HDAC4: variants seen among roughly 807,000 people sequenced by gnomAD.
HDAC4 encodes the protein histone deacetylase 4.
Under a neutral mutation model 135.1 loss-of-function variants are expected in HDAC4, and 16 were observed. The ratio of observed to expected loss-of-function variants is 0.12; its 90% CI spans 0.08 to 0.18. The LOEUF is 0.18. Ranked by LOEUF, HDAC4 falls within the 10% of genes least tolerant of loss-of-function variation. HDAC4 has a pLI of 1.00. For synonymous variants in HDAC4, 685 were observed against 653.4 expected (o/e 1.05, Z -0.74); for missense variants, 1,143 against 1,511.8 (o/e 0.76, Z 4.05).
rs371996227 is a variant in HDAC4 at position 239,068,458 on chromosome 2, C to T, written c.2869+31G>A. ...AGCGGATCATGGACATGAGCAGAACCGGCTCCTCAGTCATATGCAGAACCA... is the reference window on the plus strand; with the variant it reads ...AGCGGATCATGGACATGAGCAGAACTGGCTCCTCAGTCATATGCAGAACCA... On this transcript the variant is annotated intron_variant, in intron 23 of 26. Transcript: ENST00000543185. The surrounding 1 kb of genome is among the most constrained non-coding windows in gnomAD (Gnocchi z 4.4). 1.0e-4 allele frequency: 147 copies of T among 1,460,028 alleles called. 1 individual carries two copies. The highest frequency in any genetic ancestry group is 4.4e-4 in the South Asian group (39 of 88,078). 90.4% of individuals were successfully genotyped at this position (1,460,028 alleles called of 1,614,324 possible). A position where few individuals can be genotyped will look rare whatever the true frequency, so the allele number is the denominator to read the frequency against.
chr2:239,053,162 TGGG>T lies in HDAC4; in HGVS notation c.3231-29_3231-27del, dbSNP rs766132057. Reference sequence around the variant, plus strand: ...CTGTGGATCCCGCAAGAGAAGGAGATGGGGGCGTGGGGCAGGTGCACCACAGAG... The same window carrying T: ...CTGTGGATCCCGCAAGAGAAGGAGATGGCGTGGGGCAGGTGCACCACAGAG... On this transcript the variant is annotated intron_variant, in intron 26 of 26. Transcript: ENST00000543185. 6.8e-6 allele frequency: 11 copies of T among 1,613,610 alleles called. No homozygotes were observed. In the Admixed American group the frequency reaches 1.2e-4, roughly 17 times the overall value.
chr2:239,067,533 C>T (rs1024315942), intron 23 of HDAC4, among the ~76,000 whole-genome samples: 1 of 152,262 alleles, frequency 6.6e-6, no homozygotes, highest in Non-Finnish European at 1.5e-5. Context: ...GGCTTCGAGG[C>T]AGCTGTGCGG....
At chr2:239,376,689 T>C (rs922009318) in intron 1 of HDAC4, among the ~76,000 whole-genome samples, 2 of 152,214 alleles carry the variant, frequency 1.3e-5, no homozygotes, top group Non-Finnish European at 2.9e-5. Context: ...TCAGACCGTG[T>C]GTTCCTGAAT....
rs1575496754 is a variant in HDAC4 at position 239,240,405 on chromosome 2, T to C, written c.23-3741A>G. ...ATTCCAGAGTGAGTTAAAATGAAAT[T>C]AGTGATGAGAGGTGGAATTTCCATA... On this transcript the variant is annotated intron_variant, in intron 2 of 26. Coordinates refer to ENST00000543185, the MANE Select transcript of HDAC4 (RefSeq NM_001378414.1). This position sits in a 1 kb window ranked among gnomAD's most constrained non-coding sequence, Gnocchi z 4.5. Among the ~76,000 whole-genome samples, 5 of 152,300 alleles carry C rather than the reference T, an allele frequency of 3.3e-5. No individual in the cohort carries two copies. The South Asian group carries it at 8.3e-4, about 25-fold the overall frequency.
intron 2 of HDAC4, among the ~76,000 whole-genome samples, chr2:239,290,773 C>T (rs562224486): frequency 5.9e-5 from 9 of 152,312 alleles, no homozygotes; most frequent in African/African-American, 2.2e-4. Context: ...ACACACGCTC[C>T]CGTGTTTAGT....
At chr2:239,174,568 C>G (rs1040839760) in intron 5 of HDAC4, among the ~76,000 whole-genome samples, 1 of 152,196 alleles carries the variant, frequency 6.6e-6, no homozygotes, top group Non-Finnish European at 1.5e-5. Context: ...AACTGGTACA[C>G]TACTTTGAAA....
intron 2 of HDAC4, among the ~76,000 whole-genome samples, chr2:239,278,589 C>G (rs2050526837): frequency 6.6e-6 from 1 of 151,940 alleles, no homozygotes; most frequent in Non-Finnish European, 1.5e-5. Flanking sequence ...GCAGGATCGC[C>G]TGAGCCCAGG....
At chr2:239,149,336 G>A (rs1235971493) in intron 7 of HDAC4, among the ~76,000 whole-genome samples, 3 of 151,742 alleles carry the variant, frequency 2.0e-5, no homozygotes, top group African/African-American at 7.3e-5. Context: ...GGAGGCGGAG[G>A]TTGTCTCACT....
chr2:239,265,775 TGGA>T (rs1297645947), intron 2 of HDAC4, among the ~76,000 whole-genome samples: 1 of 152,222 alleles, frequency 6.6e-6, no homozygotes, highest in Non-Finnish European at 1.5e-5. Context: ...CCAGGCTTCT[TGGA>T]ACTTCCAAAC....
chr2:239,242,755 G>T (rs1241486301), intron 2 of HDAC4, among the ~76,000 whole-genome samples: 1 of 152,180 alleles, frequency 6.6e-6, no homozygotes, highest in African/African-American at 2.4e-5. Context: ...AAAGTGTATT[G>T]CTTGCTGCAG....
At chr2:239,334,616 G>A (rs961630120) in intron 2 of HDAC4, among the ~76,000 whole-genome samples, 5 of 152,048 alleles carry the variant, frequency 3.3e-5, no homozygotes, top group East Asian at 3.9e-4. Flanking sequence ...ATAGAGAGAC[G>A]TAGCATATTC....
upstream of HDAC4, chr2:239,401,143 T>A (rs1696968067): frequency 6.6e-6 from 1 of 151,434 alleles, no homozygotes; most frequent in Non-Finnish European, 1.5e-5. Flanking sequence ...CCCTCCCGCC[T>A]GGTTTCTAAT....
chr2:239,280,996 G>A (rs2050693005), intron 2 of HDAC4, among the ~76,000 whole-genome samples: 1 of 121,444 alleles, frequency 8.2e-6, no homozygotes, highest in East Asian at 2.2e-4. Flanking sequence ...TACACACAAT[G>A]TACACACCAC....
chr2:239,150,435 CAGAAACACAGACACACACACAGATACAT>C (rs2042040441), intron 7 of HDAC4, among the ~76,000 whole-genome samples: 2 of 152,036 alleles, frequency 1.3e-5, no homozygotes, highest in Admixed American at 1.3e-4. Flanking sequence ...ACCCCACACA[CAGAAACACAGACACACACACAGATACAT>C]AGAAACACAG....
intron 12 of HDAC4, among the ~76,000 whole-genome samples, chr2:239,119,017 G>A (rs952159096): frequency 1.1e-4 from 16 of 152,256 alleles, no homozygotes; most frequent in South Asian, 4.1e-4. Flanking sequence ...CAGGGGCGCC[G>A]GGTGAAGCAG....
intron 3 of HDAC4, among the ~76,000 whole-genome samples, chr2:239,200,777 CA>C (rs751381335): frequency 5.9e-5 from 9 of 152,014 alleles, no homozygotes; most frequent in Non-Finnish European, 1.3e-4. Context: ...GCGTCACAGG[CA>C]GATTGCATTC....
rs2036382882 is a variant in HDAC4 at position 239,090,249 on chromosome 2, T to G, written c.2281-133A>C. ...CAGGGCCTACCAGAGCCAGGGCAGC[T>G]GCAGCCCACGTTCAGCCTTCAATCT... On this transcript the variant is annotated intron_variant, in intron 17 of 26. Coordinates refer to ENST00000543185, the MANE Select transcript of HDAC4 (RefSeq NM_001378414.1). 5.6e-6 allele frequency: 4 copies of G among 708,266 alleles called. No homozygotes were observed. The Admixed American group carries it at 6.1e-5, about 11-fold the overall frequency. The allele number at this position is 708,266 out of a possible 1,614,324, so 43.9% of individuals were successfully genotyped here.
At chr2:239,108,636 A>T (rs886216109) in intron 14 of HDAC4, among the ~76,000 whole-genome samples, 1 of 152,206 alleles carries the variant, frequency 6.6e-6, no homozygotes, top group African/African-American at 2.4e-5. Flanking sequence ...GACCAATAGT[A>T]ACTCCAGTTC....
intron 1 of HDAC4, among the ~76,000 whole-genome samples, chr2:239,373,355 C>G (rs1273817025): frequency 1.3e-5 from 2 of 152,188 alleles, no homozygotes; most frequent in East Asian, 3.8e-4. Flanking sequence ...TTGGGCATGT[C>G]TGCAACGACC....
Sources: gnomAD v4.1 joint callset for allele counts (sites outside exome capture counted in the v4.1 genomes callset) on GRCh38, gnomAD v4.1.1 for gene constraint, Gnocchi (gnomAD v3.1) non-coding constraint, MANE v1.5 for transcripts, NCBI Gene and HGNC (gene_info 2026-07-23, HGNC 2026-07-21) for gene names.